SMG6: variants seen among roughly 807,000 people sequenced by gnomAD.
SMG6 encodes the protein SMG6 nonsense mediated mRNA decay factor.
Under a neutral mutation model 142.2 loss-of-function variants are expected in SMG6, and 66 were observed. That is an observed-to-expected ratio of 0.46 (90% CI 0.38 to 0.57). The LOEUF (loss-of-function observed/expected upper bound fraction) is 0.57. Among genes scored for constraint, SMG6 ranks in the 20% least tolerant of loss-of-function variants. The pLI, the probability that SMG6 is intolerant of heterozygous loss-of-function variation, is 0.00. For missense variants in SMG6, 1,793 were observed against 1,832.0 expected, an observed-to-expected ratio of 0.98 and a Z score of 0.39; for synonymous variants, 779 against 702.4, an observed-to-expected ratio of 1.11 and a Z score of -1.72.
At chr17:2,237,630 T>C (rs920162715) in intron 9 of SMG6, 1 of 897,868 alleles carries the variant, frequency 1.1e-6, no homozygotes, top group Non-Finnish European at 1.3e-6. Flanking sequence ...CCACTCCCAA[T>C]ACAGGAAGAG....
rs146782460 is a variant in SMG6 at position 2,075,931 on chromosome 17, C to T, written c.3681+5879G>A. ...CCACACCCCTTTTCTGACCTCCAGT[C>T]GGCCCCACTCACCAGCCTCTGTGCA... is the stretch of plus-strand genomic sequence containing the variant. On this transcript the variant is annotated intron_variant, in intron 15 of 18. Coordinates refer to ENST00000263073, the MANE Select transcript of SMG6 (RefSeq NM_017575.5). Among the ~76,000 whole-genome samples the T allele has an allele frequency of 2.1e-3, 316 of 152,318 alleles. 2 individuals carry two copies. The highest frequency in any genetic ancestry group is 7.0e-3 in the African/African-American group (289 of 41,562).
intron 13 of SMG6, among the ~76,000 whole-genome samples, chr17:2,167,195 A>AC (rs2071369686): frequency 2.0e-5 from 3 of 150,750 alleles, no homozygotes; most frequent in Admixed American, 2.0e-4. Flanking sequence ...CAAAAAAAAT[A>AC]AAGGTTATAA....
chr17:2,243,620 G>A (rs930959700), intron 9 of SMG6, among the ~76,000 whole-genome samples: 1 of 152,168 alleles, frequency 6.6e-6, no homozygotes, highest in African/African-American at 2.4e-5. Context: ...GGCAGAGGTT[G>A]CAGAGAGTCG....
chr17:2,135,339 C>A (rs775320382), intron 13 of SMG6, among the ~76,000 whole-genome samples: 1 of 152,138 alleles, frequency 6.6e-6, no homozygotes, highest in African/African-American at 2.4e-5. Flanking sequence ...CATTAAAAAT[C>A]TATTCTTTAA....
rs765558439 is a variant in SMG6 at position 2,299,146 on chromosome 17, T to C, written c.1607A>G (p.Asn536Ser). 6.2e-7 allele frequency: 1 copy of C among 1,613,080 alleles called. No individual in the cohort carries two copies. The highest frequency in any genetic ancestry group is 1.7e-5 in the Admixed American group (1 of 59,950). Residue 536 changes from asparagine to serine, a missense_variant, in exon 2 of 19, where the codon AAT (asparagine) becomes AGT (serine). Around this residue, in one of 3 missense-constraint regions of SMG6, gnomAD observed 1,597 missense variants for 1,584.6 expected, o/e 1.01. Transcript: ENST00000263073. The surrounding 1 kb of genome is among the most constrained non-coding windows in gnomAD (Gnocchi z 4.3). ...NPLQYPVGPT[N>S]GVYPGPYYPG... ...GTAGTAAGGCCCTGGGTACACACCATTCGTAGGGCCCACTGGGTACTGTAG... is the reference window on the plus strand; with the variant it reads ...GTAGTAAGGCCCTGGGTACACACCACTCGTAGGGCCCACTGGGTACTGTAG...
At position 2,172,778 on chromosome 17, in the gene SMG6, G is replaced by A; in HGVS notation, c.3237C>T (p.Tyr1079=). The A allele has an allele frequency of 6.2e-7, 1 of 1,614,156 alleles. No homozygotes were observed. Among genetic ancestry groups the A allele is most frequent in the Non-Finnish European group, 8.5e-7 (1 of 1,180,026 alleles). ...GGGTGAGGTCATCATCCGGGTCCTT[G>A]TACAGTGGCACCTCAGACTGATTCA... is the stretch of plus-strand genomic sequence containing the variant. ...TAVNQSEVPL[Y]KDPDDDLTLL... is the part of the protein sequence containing the mutation. The change falls in exon 13 of 19, where the codon TAC becomes TAT. Residue 1079 remains tyrosine, a synonymous_variant. Transcript: ENST00000263073.
chr17:2,199,915 A>T (rs569121330), intron 10 of SMG6: 36 of 151,688 alleles, frequency 2.4e-4, no homozygotes, highest in African/African-American at 8.7e-4. Flanking sequence ...TCAAAAAACA[A>T]AGGTTTGTTT....
At chr17:2,303,428 G>C in intron 1 of SMG6, 1 of 1,262,826 alleles carries the variant, frequency 7.9e-7, no homozygotes, top group Non-Finnish European at 1.0e-6. Context: ...GGCTCTCCCG[G>C]AGCTGGCCAG....
At chr17:2,070,397 T>C (rs1439469166) in intron 15 of SMG6, among the ~76,000 whole-genome samples, 1 of 152,042 alleles carries the variant, frequency 6.6e-6, no homozygotes, top group African/African-American at 2.4e-5. Flanking sequence ...GGAGGGCAGG[T>C]CCCAGCCCTG....
At chr17:2,218,225 G>A (rs1227283565) in intron 10 of SMG6, among the ~76,000 whole-genome samples, 1 of 151,884 alleles carries the variant, frequency 6.6e-6, no homozygotes, top group East Asian at 1.9e-4. Flanking sequence ...CTGTTATGGT[G>A]CAGACAATTC....
intron 10 of SMG6, among the ~76,000 whole-genome samples, chr17:2,227,347 T>C (rs1466950232): frequency 6.6e-6 from 1 of 152,292 alleles, no homozygotes; most frequent in East Asian, 1.9e-4. Flanking sequence ...GGTAACTGGA[T>C]AAACAAAACT....
intron 18 of SMG6, 159 bp from the exon 19 acceptor site, chr17:2,061,781 C>T (rs1280354514): frequency 6.0e-5 from 50 of 827,528 alleles, no homozygotes; most frequent in South Asian, 5.1e-4. Flanking sequence ...CTCTCAGCCC[C>T]GGGGACCCTC....
At chr17:2,287,356 A>C (rs1212997760) in intron 6 of SMG6, among the ~76,000 whole-genome samples, 1 of 152,220 alleles carries the variant, frequency 6.6e-6, no homozygotes, top group Non-Finnish European at 1.5e-5. Context: ...ATATCACCTC[A>C]CCACCACTAC....
chr17:2,160,108 G>A (rs556929581), intron 13 of SMG6, among the ~76,000 whole-genome samples: 19 of 152,046 alleles, frequency 1.2e-4, no homozygotes, highest in Non-Finnish European at 2.1e-4. Flanking sequence ...TAAATATTCT[G>A]TATCTTGATA....
intron 13 of SMG6, among the ~76,000 whole-genome samples, chr17:2,140,671 CAAAA>C (rs10635640): frequency 9.3e-6 from 1 of 107,400 alleles, no homozygotes; most frequent in Admixed American, 1.0e-4. Context: ...GATTCCATCT[CAAAA>C]AAAAAAAAAA....
intron 12 of SMG6, among the ~76,000 whole-genome samples, chr17:2,183,727 C>T (rs1265148497): frequency 1.3e-5 from 2 of 149,178 alleles, no homozygotes; most frequent in African/African-American, 5.0e-5. Flanking sequence ...TATGCTGATC[C>T]CTGATACAGG....
chr17:2,264,688 G>T (rs2074383496), intron 8 of SMG6, among the ~76,000 whole-genome samples: 1 of 152,004 alleles, frequency 6.6e-6, no homozygotes, highest in African/African-American at 2.4e-5. Context: ...GATCGCTTGA[G>T]CCCAGGAGTT....
At chr17:2,156,025 C>T (rs7212964) in intron 13 of SMG6, among the ~76,000 whole-genome samples, 53,301 of 149,466 alleles carry the variant, frequency 0.36, 10,204 homozygotes, top group African/African-American at 0.5. Flanking sequence ...TGCTCTTTTA[C>T]TGTTTTCTTT....
chr17:2,168,382 T>C (rs1015932578), intron 13 of SMG6, among the ~76,000 whole-genome samples: 2 of 151,842 alleles, frequency 1.3e-5, no homozygotes, highest in African/African-American at 4.8e-5. Context: ...GGGATTTCAC[T>C]ATGTTGGCCA....
Sources: gnomAD v4.1 joint callset for allele counts (sites outside exome capture counted in the v4.1 genomes callset) on GRCh38, gnomAD v4.1.1 for gene constraint, gnomAD v4.1.1 regional missense constraint, Gnocchi (gnomAD v3.1) non-coding constraint, MANE v1.5 for transcripts, NCBI Gene and HGNC (gene_info 2026-07-23, HGNC 2026-07-21) for gene names.